The following SMUG1 variants were observed in gnomAD, a reference collection of about 807,000 sequenced individuals.
SMUG1 encodes the protein single-strand selective monofunctional uracil DNA glycosylase.
A neutral mutation model predicts 23.9 loss-of-function variants in SMUG1; 13 were observed. That is an observed-to-expected ratio of 0.54 (90% CI 0.35 to 0.86). SMUG1 has a LOEUF of 0.86. Ranked by LOEUF, SMUG1 falls within the 40% of genes least tolerant of loss-of-function variation. The pLI, the probability that SMUG1 is intolerant of heterozygous loss-of-function variation, is 0.01. For synonymous variants in SMUG1, 133 were observed against 139.8 expected (o/e 0.95, Z 0.34); for missense variants, 313 against 339.5 (o/e 0.92, Z 0.61).
chr12:54,185,778 C>A (rs1942315633), intron 2 of SMUG1, among the ~76,000 whole-genome samples: 1 of 152,080 alleles, frequency 6.6e-6, no homozygotes, highest in African/African-American at 2.4e-5. Context: ...GATTGTGCCA[C>A]TGCACTCCAG....
chr12:54,175,021 T>C (rs1940719037), intron 2 of SMUG1: 1 of 152,286 alleles, frequency 6.6e-6, no homozygotes, highest in Non-Finnish European at 1.5e-5. Flanking sequence ...TTTATTTCTA[T>C]ATCACCTGAT....
intron 4 of SMUG1, among the ~76,000 whole-genome samples, chr12:54,159,376 G>A (rs1230970919): frequency 6.6e-6 from 1 of 152,114 alleles, no homozygotes; most frequent in African/African-American, 2.4e-5. Flanking sequence ...GGGAGGCCTC[G>A]GGCTGGGGAT....
rs1940919089 is a variant in SMUG1, at chr12:54,180,581, A to T, written c.*1515T>A. On this transcript the variant is annotated 3_prime_UTR_variant, in exon 4 of 4. Coordinates refer to ENST00000682136, the MANE Select transcript of SMUG1 (RefSeq NM_001243787.2). ...AGGGGCACCCAGTCAACCATTCAGCAGACATAAAAAATGAGTTGGATACCA... is the reference window on the plus strand; with the variant it reads ...AGGGGCACCCAGTCAACCATTCAGCTGACATAAAAAATGAGTTGGATACCA... The T allele has an allele frequency of 6.6e-6, 1 of 152,172 alleles. No individual in the cohort carries two copies. Among genetic ancestry groups the T allele is most frequent in the South Asian group, 2.1e-4 (1 of 4,828 alleles). 9.4% of individuals were successfully genotyped at this position (152,172 alleles called of 1,614,324 possible).
chr12:54,186,326 G>T (rs1393994160), intron 2 of SMUG1, among the ~76,000 whole-genome samples: 1 of 145,338 alleles, frequency 6.9e-6, no homozygotes, highest in Non-Finnish European at 1.5e-5. Flanking sequence ...CTGGGAATCT[G>T]TGTTTTTTGT....
rs543736230 is a variant in SMUG1, at chr12:54,183,475, G to C, written c.285+181C>G. 12 of 622,458 alleles carry C rather than the reference G, an allele frequency of 1.9e-5. No individual in the cohort carries two copies. The Admixed American group carries it at 2.0e-4, about 10-fold the overall frequency. 38.6% of individuals were successfully genotyped at this position (622,458 alleles called of 1,614,324 possible). A position where few individuals can be genotyped will look rare whatever the true frequency, so the allele number is the denominator to read the frequency against. The stretch of plus-strand genomic sequence containing the variant: ...ACCATTAATGTGCTTGGTTAATTAC[G>C]GGCAGAGACGCTGGGAGAGGGCCTC... On this transcript the variant is annotated intron_variant, in intron 3 of 3. Transcript: ENST00000682136.
chr12:54,171,986 G>A, intron 3 of SMUG1: 2 of 427,444 alleles, frequency 4.7e-6, no homozygotes, highest in East Asian at 1.5e-4. Context: ...CATCACCTCT[G>A]CTGCCATCTC....
Position 54,182,803 on chromosome 12 carries a change from T to C in SMUG1, c.286-180A>G, listed in dbSNP as rs1941419727. On this transcript the variant is annotated intron_variant, in intron 3 of 3. Coordinates refer to ENST00000682136, the MANE Select transcript of SMUG1 (RefSeq NM_001243787.2). ...TATGGTTTGAGCCTGTCTGTCTTTT[T>C]CCAGTTCTTCATTGTGAACCGTGGT... The C allele has an allele frequency of 3.2e-6, 4 of 1,256,206 alleles. No individual in the cohort carries two copies. In the East Asian group the frequency reaches 1.0e-4, roughly 33 times the overall value. The allele number at this position is 1,256,206 out of a possible 1,614,324, so 77.8% of individuals were successfully genotyped here.
downstream of SMUG1, among the ~76,000 whole-genome samples, chr12:54,176,288 G>C (rs943173391): frequency 3.3e-5 from 5 of 152,026 alleles, no homozygotes; most frequent in Non-Finnish European, 5.9e-5. Context: ...AGGAGGCTAA[G>C]GTGGGAGGAT....
At chr12:54,176,311 G>A (rs577431953), downstream of SMUG1, among the ~76,000 whole-genome samples, 1 of 151,950 alleles carries the variant, frequency 6.6e-6, no homozygotes, top group Non-Finnish European at 1.5e-5. Flanking sequence ...CTTGAGTTCA[G>A]GAGATAGAGA....
In SMUG1 at chr12:54,181,975, T is replaced by C; in HGVS notation, c.*121A>G. The stretch of plus-strand genomic sequence containing the variant: ...AGTTCAACAGATCAAAGAATACGTT[T>C]CCCAGCGACCAGGGTGCACAGAAGG... On this transcript the variant is annotated 3_prime_UTR_variant, in exon 4 of 4. Transcript: ENST00000682136. The C allele has an allele frequency of 1.3e-6, 2 of 1,502,354 alleles. No homozygotes were observed. Among genetic ancestry groups the C allele is most frequent in the Non-Finnish European group, 1.8e-6 (2 of 1,128,252 alleles). The allele number at this position is 1,502,354 out of a possible 1,614,324, so 93.1% of individuals were successfully genotyped here. A position where few individuals can be genotyped will look rare whatever the true frequency, so the allele number is the denominator to read the frequency against.
downstream of SMUG1, among the ~76,000 whole-genome samples, chr12:54,177,977 G>A (rs1592359809): frequency 6.6e-6 from 1 of 152,134 alleles, no homozygotes; most frequent in East Asian, 1.9e-4. Context: ...CATTTAAAGA[G>A]GCACCTAAGG....
chr12:54,178,085 A>G (rs1565806550), downstream of SMUG1, among the ~76,000 whole-genome samples: 1 of 152,208 alleles, frequency 6.6e-6, no homozygotes, highest in Non-Finnish European at 1.5e-5. Flanking sequence ...AGGCTATGGG[A>G]GGACACAGCA....
At chr12:54,175,293 C>T (rs888877752) in intron 2 of SMUG1, 2 of 152,280 alleles carry the variant, frequency 1.3e-5, no homozygotes, top group African/African-American at 4.8e-5. Flanking sequence ...TGGACATTGC[C>T]TGCCACCATC....
At chr12:54,158,883 A>G (rs1278504559) in intron 4 of SMUG1, among the ~76,000 whole-genome samples, 1 of 152,202 alleles carries the variant, frequency 6.6e-6, no homozygotes, top group Non-Finnish European at 1.5e-5. Flanking sequence ...CTTTTGCTCA[A>G]GTGCACTTAT....
intron 2 of SMUG1, chr12:54,172,455 A>G: frequency 5.2e-6 from 1 of 192,112 alleles, no homozygotes; most frequent in South Asian, 9.9e-5. Flanking sequence ...TAAGAAAGGG[A>G]GTGAACTGAA....
At chr12:54,183,482 G>A (rs1592384862) in intron 3 of SMUG1, 174 bp downstream of exon 3, 2 of 643,964 alleles carry the variant, frequency 3.1e-6, no homozygotes, top group East Asian at 2.7e-5. Context: ...TACGGGCAGA[G>A]ACGCTGGGAG....
chr12:54,182,200 G>T lies in SMUG1; in HGVS notation c.709C>A (p.Leu237Ile), dbSNP rs745912376. The change falls in exon 4 of 4, where the codon CTC becomes ATC. Residue 237 changes from leucine (L) to isoleucine (I), a missense_variant. By Grantham distance (5) the Leu-to-Ile change is conservative. Coordinates refer to ENST00000682136, the MANE Select transcript of SMUG1 (RefSeq NM_001243787.2). ...GGGTTACGGGGAGAGGGATGCAGGA[G>T]CCCTTCCACCTGGACCTCTGGCATC... ...GLMPEVQVEG[L>I]LHPSPRNPQA... 1 of 1,611,546 alleles carries T rather than the reference G, an allele frequency of 6.2e-7. No individual in the cohort carries two copies.
chr12:54,181,446 A>G lies in SMUG1; in HGVS notation c.*650T>C. 9.9e-7 allele frequency: 1 copy of G among 1,014,024 alleles called. No homozygotes were observed. Among genetic ancestry groups the G allele is most frequent in the Non-Finnish European group, 1.5e-6 (1 of 680,642 alleles). The allele number at this position is 1,014,024 out of a possible 1,614,324, so 62.8% of individuals were successfully genotyped here. A position where few individuals can be genotyped will look rare whatever the true frequency, so the allele number is the denominator to read the frequency against. ...CTCACACCAACCCCATAAGGTAGGCATCCCTGTTTTACAGATGAGGAGCCT... is the reference window on the plus strand; with the variant it reads ...CTCACACCAACCCCATAAGGTAGGCGTCCCTGTTTTACAGATGAGGAGCCT... On this transcript the variant is annotated 3_prime_UTR_variant, in exon 4 of 4. Coordinates refer to ENST00000682136, the MANE Select transcript of SMUG1 (RefSeq NM_001243787.2).
At chr12:54,178,968 G>T (rs1341711767), downstream of SMUG1, among the ~76,000 whole-genome samples, 1 of 152,236 alleles carries the variant, frequency 6.6e-6, no homozygotes, top group Non-Finnish European at 1.5e-5. Flanking sequence ...AAAGGTGAAA[G>T]AAGCTGACTT....
Sources: gnomAD v4.1 joint callset for allele counts (sites outside exome capture counted in the v4.1 genomes callset) on GRCh38, gnomAD v4.1.1 for gene constraint, MANE v1.5 for transcripts, NCBI Gene and HGNC (gene_info 2026-07-23, HGNC 2026-07-21) for gene names.